WWOX: variants seen among roughly 807,000 people sequenced by gnomAD.
WWOX encodes the protein WW domain containing oxidoreductase.
In WWOX, 69 loss-of-function variants were observed where a neutral mutation model predicts 46.2. That is an observed-to-expected ratio of 1.49 (90% CI 1.23 to 1.82). The LOEUF is 1.82. Among genes scored for constraint, WWOX ranks in the 40% most tolerant of loss-of-function variants. The pLI, the probability that WWOX is intolerant of heterozygous loss-of-function variation, is 0.00. For missense variants in WWOX, 919 were observed against 542.6 expected (o/e 1.69, Z -6.89); for synonymous variants, 359 against 202.6 (o/e 1.77, Z -6.56).
rs569224945 is a variant in WWOX, at chr16:78,913,916, C to T, written c.1057-297692C>T. Among the ~76,000 whole-genome samples the T allele has an allele frequency of 4.6e-5, 7 of 152,108 alleles. No homozygotes were observed. In the South Asian group the frequency reaches 1.5e-3, roughly 32 times the overall value. On this transcript the variant is annotated intron_variant, in intron 8 of 8. Coordinates refer to ENST00000566780, the MANE Select transcript of WWOX (RefSeq NM_016373.4). The stretch of plus-strand genomic sequence containing the variant: ...CCTCAAGTGATCCTCCTGCCTTGGC[C>T]TCCCAAAGTGCTTGGATTATAGACA...
chr16:78,973,407 C>G (rs182542096), intron 8 of WWOX, among the ~76,000 whole-genome samples: 33 of 152,320 alleles, frequency 2.2e-4, no homozygotes, highest in Middle Eastern at 3.4e-3. Context: ...CAGCACAATA[C>G]AGAGAACAGA....
intron 8 of WWOX, among the ~76,000 whole-genome samples, chr16:79,209,808 C>G (rs138085717): frequency 1.3e-5 from 2 of 152,158 alleles, no homozygotes. Context: ...AGATAAACCC[C>G]TTGAAGTTGT....
At chr16:78,713,877 A>G (rs2048502332) in intron 8 of WWOX, among the ~76,000 whole-genome samples, 1 of 152,154 alleles carries the variant, frequency 6.6e-6, no homozygotes, top group Admixed American at 6.5e-5. Context: ...CCTGATCTGA[A>G]TATGATTTGG....
At chr16:78,629,377 T>A (rs1169281112) in intron 8 of WWOX, among the ~76,000 whole-genome samples, 1 of 152,160 alleles carries the variant, frequency 6.6e-6, no homozygotes, top group Non-Finnish European at 1.5e-5. Context: ...AGCAGTGTTG[T>A]CAGTAAGATT....
intron 8 of WWOX, among the ~76,000 whole-genome samples, chr16:79,048,158 T>C (rs964006265): frequency 1.3e-5 from 2 of 152,154 alleles, no homozygotes; most frequent in Admixed American, 6.5e-5. Flanking sequence ...TGGAGAAGCT[T>C]CCTTCAAAAA....
chr16:78,921,790 T>C (rs1049331305), intron 8 of WWOX, among the ~76,000 whole-genome samples: 2 of 152,190 alleles, frequency 1.3e-5, no homozygotes, highest in Admixed American at 6.5e-5. Flanking sequence ...CCCAAGATTG[T>C]CCTTACTCTG....
chr16:78,792,513 C>T (rs2050632486), intron 8 of WWOX, among the ~76,000 whole-genome samples: 2 of 152,164 alleles, frequency 1.3e-5, no homozygotes, highest in South Asian at 4.1e-4. Flanking sequence ...TGCAAGTCTG[C>T]ACGGCAGAGG....
At chr16:78,994,969 CT>C (rs869088414) in intron 8 of WWOX, among the ~76,000 whole-genome samples, 3,408 of 114,472 alleles carry the variant, frequency 0.03, 54 homozygotes, top group African/African-American at 0.081. Flanking sequence ...TCTTCTTCTT[CT>C]TTTTTTTTTT....
intron 5 of WWOX, among the ~76,000 whole-genome samples, chr16:78,364,743 G>C (rs2081495094): frequency 6.6e-6 from 1 of 152,160 alleles, no homozygotes; most frequent in African/African-American, 2.4e-5. Context: ...GTGTTTGAAG[G>C]ATTAATGTGC....
intron 8 of WWOX, among the ~76,000 whole-genome samples, chr16:78,503,126 A>G (rs2085111264): frequency 6.6e-6 from 1 of 152,108 alleles, no homozygotes; most frequent in Non-Finnish European, 1.5e-5. Flanking sequence ...CTCGCAAGCG[A>G]TGTGTGTCTG....
intron 8 of WWOX, among the ~76,000 whole-genome samples, chr16:78,779,425 C>G (rs866258081): frequency 6.6e-6 from 1 of 152,110 alleles, no homozygotes; most frequent in Non-Finnish European, 1.5e-5. Flanking sequence ...TAAGAGCCAC[C>G]GTGTCCGGCC....
In WWOX at chr16:78,548,152, C is replaced by CAA. The variant is rs11320544; in HGVS notation, c.1056+115425_1056+115426dup. Among the ~76,000 whole-genome samples the CAA allele has an allele frequency of 9.4e-3, 322 of 34,246 alleles. 10 individuals are homozygous for CAA. Among genetic ancestry groups the CAA allele is most frequent in the African/African-American group, 0.021 (254 of 12,220 alleles). 22.5% of individuals were successfully genotyped at this position (34,246 alleles called of 152,430 possible). ...CCTGGGTGACAGAGCAAGACTGTCT[C>CAA]AAAAAAAAAAAAAAAAAAAAAAAAA... On this transcript the variant is annotated intron_variant, in intron 8 of 8. Coordinates refer to ENST00000566780, the MANE Select transcript of WWOX (RefSeq NM_016373.4).
At chr16:78,297,037 C>G (rs1159912731) in intron 5 of WWOX, among the ~76,000 whole-genome samples, 1 of 152,170 alleles carries the variant, frequency 6.6e-6, no homozygotes. Flanking sequence ...GTAAAATTAT[C>G]TGGCCCAATA....
rs752318699 is a variant in WWOX at position 78,115,001 on chromosome 16, T to A, written c.256T>A (p.Leu86Met). ...VDHINKRTTYLDPRLAFTVDD... is the reference protein window; with the variant it reads ...VDHINKRTTYMDPRLAFTVDD... ...CCATATAAATAAAAGAACCACCTAC[T>A]TGGACCCAAGACTGGCGTTTACTGT... Residue 86 changes from leucine to methionine, a missense_variant, in exon 4 of 9, where the codon TTG becomes ATG. Transcript: ENST00000566780. 1 of 1,614,084 alleles carries A rather than the reference T, an allele frequency of 6.2e-7. No homozygotes were observed. Among genetic ancestry groups the A allele is most frequent in the Non-Finnish European group, 8.5e-7 (1 of 1,180,046 alleles).
intron 8 of WWOX, among the ~76,000 whole-genome samples, chr16:78,882,039 T>G (rs1434497930): frequency 6.6e-6 from 1 of 152,106 alleles, no homozygotes; most frequent in Non-Finnish European, 1.5e-5. Flanking sequence ...GGCAGGATAA[T>G]TGCTTGAGCC....
intron 5 of WWOX, chr16:78,264,364 C>A: frequency 6.6e-6 from 1 of 152,148 alleles, no homozygotes. Context: ...CAGCCTTTTC[C>A]ATTGTCTCCC....
chr16:78,120,576 CAAAA>C (rs11433590), intron 4 of WWOX, among the ~76,000 whole-genome samples: 1 of 84,454 alleles, frequency 1.2e-5, no homozygotes, highest in Admixed American at 1.3e-4. Flanking sequence ...GACTCCGTCT[CAAAA>C]AAAAAAAAAA....
rs192723289 is a variant in WWOX at position 78,915,435 on chromosome 16, G to A, written c.1057-296173G>A. ...TACAGGGCAATCATAAATGTAAATC[G>A]ACTTAATATGACTTGATTGTTAGTA... On this transcript the variant is annotated intron_variant, in intron 8 of 8. Transcript: ENST00000566780. 1.2e-3 allele frequency among the ~76,000 whole-genome samples: 189 copies of A among 152,232 alleles called. 1 individual carries two copies. The highest frequency in any genetic ancestry group is 1.5e-3 in the Non-Finnish European group (102 of 68,016).
intron 8 of WWOX, among the ~76,000 whole-genome samples, chr16:78,795,605 C>G (rs1035530014): frequency 6.6e-6 from 1 of 152,194 alleles, no homozygotes; most frequent in Non-Finnish European, 1.5e-5. Context: ...TCTTGGAGCA[C>G]CACGCCTCAC....
Sources: allele counts gnomAD v4.1 joint callset (sites outside exome capture counted in the v4.1 genomes callset), GRCh38; gene constraint gnomAD v4.1.1; transcripts MANE v1.5; gene names NCBI Gene and HGNC (gene_info 2026-07-23, HGNC 2026-07-21).